The following DACH1 variants were observed in gnomAD, a reference collection of about 807,000 sequenced individuals.
DACH1 encodes the protein dachshund homolog 1.
In DACH1, 12 loss-of-function variants were observed where a neutral mutation model predicts 54.2. That is an observed-to-expected ratio of 0.22 (90% CI 0.14 to 0.36). DACH1 has a LOEUF of 0.36. Among genes scored for constraint, DACH1 ranks in the 10% least tolerant of loss-of-function variants. The probability of loss-of-function intolerance (pLI) is 1.00; values close to 1 mark genes in which losing one functional copy is unlikely to be tolerated. For synonymous variants in DACH1, 386 were observed against 366.2 expected (o/e 1.05, Z -0.62); for missense variants, 805 against 929.8 (o/e 0.87, Z 1.75).
intron 6 of DACH1, among the ~76,000 whole-genome samples, chr13:71,511,736 A>G (rs923965444): frequency 6.6e-6 from 1 of 150,666 alleles, no homozygotes; most frequent in Non-Finnish European, 1.5e-5. Flanking sequence ...AACTAAAATT[A>G]TAATGATTAC....
chr13:71,805,444 G>A (rs139529070), intron 1 of DACH1, among the ~76,000 whole-genome samples: 1 of 152,272 alleles, frequency 6.6e-6, no homozygotes, highest in East Asian at 1.9e-4. Context: ...GTAATTCATA[G>A]TGGTTAAGGA....
At chr13:71,649,142 G>A (rs1167147566) in intron 2 of DACH1, among the ~76,000 whole-genome samples, 1 of 152,042 alleles carries the variant, frequency 6.6e-6, no homozygotes, top group Non-Finnish European at 1.5e-5. Flanking sequence ...AAATACCATT[G>A]TATTATTATT....
rs1361613015 is a variant in DACH1, at chr13:71,813,828, C to A, written c.848+52094G>T. 9.2e-5 allele frequency among the ~76,000 whole-genome samples: 14 copies of A among 151,898 alleles called. No homozygotes were observed. In the East Asian group the frequency reaches 2.7e-3, roughly 29 times the overall value. ...TTTTAGAGTTAGAAAAAAAATAAGA[C>A]ATTAGTAGTGACCTCATTTTATGGA... On this transcript the variant is annotated intron_variant, in intron 1 of 10. Coordinates refer to ENST00000613252, the MANE Select transcript of DACH1 (RefSeq NM_080759.6).
At chr13:71,527,290 ATTATAC>A (rs1024243913) in intron 6 of DACH1, among the ~76,000 whole-genome samples, 6 of 152,168 alleles carry the variant, frequency 3.9e-5, no homozygotes, top group East Asian at 1.9e-4. Flanking sequence ...ATATAAGCAT[ATTATAC>A]TTATATTTGT....
intron 6 of DACH1, among the ~76,000 whole-genome samples, chr13:71,491,133 T>C (rs576247311): frequency 6.6e-6 from 1 of 152,206 alleles, no homozygotes; most frequent in African/African-American, 2.4e-5. Flanking sequence ...GATTAAATCA[T>C]TAAATCACTC....
At chr13:71,499,097 A>G (rs947139796) in intron 6 of DACH1, among the ~76,000 whole-genome samples, 2 of 144,976 alleles carry the variant, frequency 1.4e-5, no homozygotes, top group African/African-American at 2.5e-5. Flanking sequence ...AAACACACAC[A>G]CATGCGAGCA....
rs567886075 is a variant in DACH1 at position 71,740,093 on chromosome 13, CCAGA to C, written c.849-58187_849-58184del. On this transcript the variant is annotated intron_variant, in intron 1 of 10. Transcript: ENST00000613252. Reference sequence around the variant, plus strand: ...TCAAGAACTTTCCAAATAATTGCATCCAGACATTGTCTCGTTAACTAGAATCCCA... The same window carrying C: ...TCAAGAACTTTCCAAATAATTGCATCCATTGTCTCGTTAACTAGAATCCCA... Among the ~76,000 whole-genome samples the C allele has an allele frequency of 4.5e-3, 678 of 152,248 alleles. 1 individual carries two copies. Among genetic ancestry groups the C allele is most frequent in the Admixed American group, 7.1e-3 (109 of 15,288 alleles).
At chr13:71,549,783 A>G (rs531331930) in intron 6 of DACH1, among the ~76,000 whole-genome samples, 2 of 152,268 alleles carry the variant, frequency 1.3e-5, no homozygotes, top group South Asian at 4.1e-4. Context: ...CCTACCCATC[A>G]GAGGGAATCT....
At position 71,516,930 on chromosome 13, in the gene DACH1, T is replaced by TTATA. The variant is rs10659851; in HGVS notation, c.1571-27786_1571-27783dup. On this transcript the variant is annotated intron_variant, in intron 6 of 10. Transcript: ENST00000613252. The stretch of plus-strand genomic sequence containing the variant: ...TATGCACACACATATATTTTTATGT[T>TTATA]TATATATATATATATGATTTGAGAC... Among the ~76,000 whole-genome samples the TTATA allele has an allele frequency of 8.5e-3, 1,251 of 147,890 alleles. 18 individuals are homozygous for TTATA. The highest frequency in any genetic ancestry group is 0.035 in the East Asian group (177 of 5,020).
chr13:71,609,616 C>A (rs1024218019), intron 3 of DACH1, among the ~76,000 whole-genome samples: 1 of 152,020 alleles, frequency 6.6e-6, no homozygotes, highest in South Asian at 2.1e-4. Context: ...ACCTCCACTC[C>A]CCAGGTTCAA....
chr13:71,516,308 A>T (rs1433890928), intron 6 of DACH1, among the ~76,000 whole-genome samples: 3 of 151,810 alleles, frequency 2.0e-5, no homozygotes, highest in Admixed American at 1.3e-4. Context: ...TAATTCCCCT[A>T]TCTTGTCTGG....
At chr13:71,766,034 C>T (rs1300684572) in intron 1 of DACH1, among the ~76,000 whole-genome samples, 2 of 151,980 alleles carry the variant, frequency 1.3e-5, no homozygotes, top group Non-Finnish European at 2.9e-5. Context: ...CAACAGGCGC[C>T]CGCCACCACG....
At chr13:71,641,398 G>A (rs893701369) in intron 2 of DACH1, among the ~76,000 whole-genome samples, 1 of 151,942 alleles carries the variant, frequency 6.6e-6, no homozygotes, top group Admixed American at 6.6e-5. Flanking sequence ...CAGTGGTTGA[G>A]GCATTATATT....
chr13:71,569,769 C>G (rs2138407576), intron 4 of DACH1, among the ~76,000 whole-genome samples: 1 of 152,206 alleles, frequency 6.6e-6, no homozygotes, highest in East Asian at 1.9e-4. Flanking sequence ...AATTTTAAGT[C>G]TTGTCATTAC....
intron 1 of DACH1, among the ~76,000 whole-genome samples, chr13:71,735,283 T>TGGGATATACACGTATAC (rs1485148490): frequency 1.5e-5 from 1 of 68,664 alleles, no homozygotes; most frequent in African/African-American, 3.7e-5. Context: ...CGTATGTATA[T>TGGGATATACACGTATAC]GGGATATACA....
intron 7 of DACH1, among the ~76,000 whole-genome samples, chr13:71,484,510 T>C (rs947013019): frequency 9.2e-5 from 14 of 152,146 alleles, no homozygotes; most frequent in African/African-American, 3.4e-4. Context: ...TAGGTCTTTC[T>C]TGTTTGCTTA....
rs149031518 is a variant in DACH1, at chr13:71,703,337, C to T, written c.849-21427G>A. ...ACATGTGAGCAGATGTGACATATAC[C>T]GTCACTGGGAAGAAGTCTGACATGG... On this transcript the variant is annotated intron_variant, in intron 1 of 10. Transcript: ENST00000613252. Among the ~76,000 whole-genome samples the T allele has an allele frequency of 1.8e-4, 28 of 152,142 alleles. 1 individual carries two copies. Among genetic ancestry groups the T allele is most frequent in the Admixed American group, 8.5e-4 (13 of 15,282 alleles).
intron 2 of DACH1, among the ~76,000 whole-genome samples, chr13:71,668,981 G>A (rs1324911836): frequency 6.6e-6 from 1 of 152,034 alleles, no homozygotes; most frequent in African/African-American, 2.4e-5. Flanking sequence ...CCATAAATAT[G>A]GGAAAGAACC....
intron 1 of DACH1, among the ~76,000 whole-genome samples, chr13:71,715,216 A>T (rs1486020334): frequency 6.6e-5 from 10 of 152,094 alleles, no homozygotes; most frequent in Non-Finnish European, 1.2e-4. Context: ...ACAAAAGGTC[A>T]CTTTGCCATG....
Sources: allele counts gnomAD v4.1 joint callset (sites outside exome capture counted in the v4.1 genomes callset), GRCh38; gene constraint gnomAD v4.1.1; transcripts MANE v1.5; gene names NCBI Gene and HGNC (gene_info 2026-07-23, HGNC 2026-07-21).